Variants in FSTL5 observed in about 807,000 individuals in gnomAD.
FSTL5 encodes follistatin-related protein 5.
In FSTL5, 62 loss-of-function variants were observed where a neutral mutation model predicts 89.1. The ratio of observed to expected loss-of-function variants is 0.70; its 90% CI spans 0.57 to 0.86. FSTL5 has a LOEUF of 0.86. Ranked by LOEUF, FSTL5 falls within the 40% of genes least tolerant of loss-of-function variation. The pLI is 0.00. For synonymous variants in FSTL5, 383 were observed against 346.2 expected, an observed-to-expected ratio of 1.11 and a Z score of -1.18; for missense variants, 1,057 against 1,001.6, an observed-to-expected ratio of 1.06 and a Z score of -0.75.
intron 15 of FSTL5, among the ~76,000 whole-genome samples, chr4:161,434,283 G>C (rs907250859): frequency 6.6e-6 from 1 of 151,934 alleles, no homozygotes; most frequent in Non-Finnish European, 1.5e-5. Flanking sequence ...TTCAACAAAG[G>C]TGCCAAGAAC....
chr4:161,971,467 C>T (rs1010350964), intron 3 of FSTL5, among the ~76,000 whole-genome samples: 7 of 151,886 alleles, frequency 4.6e-5, no homozygotes, highest in African/African-American at 1.5e-4. Flanking sequence ...TTCATGTTTC[C>T]TCTCTCCAAC....
At position 161,526,764 on chromosome 4, in the gene FSTL5, C is replaced by T. The variant is rs548783248; in HGVS notation, c.1312+11402G>A. Among the ~76,000 whole-genome samples, 13 of 152,112 alleles carry T rather than the reference C, an allele frequency of 8.5e-5. No homozygotes were observed. The East Asian group carries it at 1.9e-3, about 23-fold the overall frequency. Reference sequence around the variant, plus strand: ...CAAAAATCAGATAGTTGTAGATATGCGGTGTTATTTCTGAGGGCTCTGTTC... The same window carrying T: ...CAAAAATCAGATAGTTGTAGATATGTGGTGTTATTTCTGAGGGCTCTGTTC... On this transcript the variant is annotated intron_variant, in intron 10 of 15. Transcript: ENST00000306100.
intron 15 of FSTL5, among the ~76,000 whole-genome samples, chr4:161,429,114 G>A (rs1216391452): frequency 6.6e-6 from 1 of 152,072 alleles, no homozygotes; most frequent in East Asian, 2.0e-4. Flanking sequence ...GGGACCACAA[G>A]GAGAAGAGTG....
At position 161,428,363 on chromosome 4, in the gene FSTL5, C is replaced by T. The variant is rs77698936; in HGVS notation, c.1841+26641G>A. Among the ~76,000 whole-genome samples, 552 of 152,274 alleles carry T rather than the reference C, an allele frequency of 3.6e-3. 13 individuals are homozygous for T. The East Asian group carries it at 0.055, about 15-fold the overall frequency. On this transcript the variant is annotated intron_variant, in intron 15 of 15. Coordinates refer to ENST00000306100, the MANE Select transcript of FSTL5 (RefSeq NM_020116.5). The stretch of plus-strand genomic sequence containing the variant: ...TCAGAGCCAGCAGAATAGGGTGGCA[C>T]GTGACCTAGTGAGACACTGGCCTAG...
chr4:161,932,257 G>C (rs543538656), intron 3 of FSTL5, among the ~76,000 whole-genome samples: 1 of 152,010 alleles, frequency 6.6e-6, no homozygotes, highest in African/African-American at 2.4e-5. Context: ...GCAACAATCT[G>C]TTGTGATGGT....
At chr4:162,114,903 T>G (rs1186752022) in intron 1 of FSTL5, among the ~76,000 whole-genome samples, 1 of 152,140 alleles carries the variant, frequency 6.6e-6, no homozygotes, top group Non-Finnish European at 1.5e-5. Context: ...AAGTCCCAAA[T>G]TTCTCAGTAA....
At chr4:161,486,705 A>G (rs1470186415) in intron 12 of FSTL5, among the ~76,000 whole-genome samples, 1 of 152,176 alleles carries the variant, frequency 6.6e-6, no homozygotes, top group Non-Finnish European at 1.5e-5. Flanking sequence ...CAAATAATGT[A>G]TAAGATTGCA....
intron 4 of FSTL5, among the ~76,000 whole-genome samples, chr4:161,904,174 C>CA (rs919800099): frequency 1.5e-4 from 22 of 148,780 alleles, no homozygotes; most frequent in East Asian, 9.8e-4. Flanking sequence ...GACTCACAAG[C>CA]AAAAAAAAAG....
At chr4:161,504,472 G>A (rs989539272) in intron 11 of FSTL5, among the ~76,000 whole-genome samples, 15 of 141,890 alleles carry the variant, frequency 1.1e-4, no homozygotes, top group Non-Finnish European at 2.3e-4. Context: ...ATTGTTTTTC[G>A]TTTTTGTTTT....
intron 7 of FSTL5, among the ~76,000 whole-genome samples, chr4:161,614,592 T>C (rs889675403): frequency 6.6e-6 from 1 of 152,168 alleles, no homozygotes; most frequent in Non-Finnish European, 1.5e-5. Flanking sequence ...ACTTCATTGA[T>C]TATTAAGAGG....
intron 15 of FSTL5, among the ~76,000 whole-genome samples, chr4:161,447,674 AG>A (rs1219067045): frequency 1.1e-4 from 17 of 152,154 alleles, no homozygotes; most frequent in African/African-American, 4.1e-4. Context: ...AAAGCCAATC[AG>A]GTAACCATAA....
chr4:161,802,653 T>C (rs146154553), intron 4 of FSTL5, among the ~76,000 whole-genome samples: 1 of 151,876 alleles, frequency 6.6e-6, no homozygotes, highest in African/African-American at 2.4e-5. Context: ...AGGTGTTATG[T>C]CTCGGTATAT....
intron 11 of FSTL5, among the ~76,000 whole-genome samples, chr4:161,500,978 G>A (rs1730273970): frequency 6.6e-6 from 1 of 152,034 alleles, no homozygotes; most frequent in African/African-American, 2.4e-5. Flanking sequence ...GGCCAGCCCT[G>A]AGCTCTTGTA....
intron 8 of FSTL5, among the ~76,000 whole-genome samples, chr4:161,568,544 T>C (rs1732896159): frequency 6.6e-6 from 1 of 152,174 alleles, no homozygotes; most frequent in Admixed American, 6.6e-5. Flanking sequence ...TGGGTAAGTT[T>C]TCCCCATAAA....
At chr4:161,850,309 G>A (rs528596861) in intron 4 of FSTL5, among the ~76,000 whole-genome samples, 23 of 152,254 alleles carry the variant, frequency 1.5e-4, no homozygotes, top group Admixed American at 5.2e-4. Context: ...TTGCAATGTC[G>A]AAAGGGAAGG....
chr4:161,901,429 A>C (rs1733360122), intron 4 of FSTL5, among the ~76,000 whole-genome samples: 1 of 152,140 alleles, frequency 6.6e-6, no homozygotes, highest in African/African-American at 2.4e-5. Flanking sequence ...CAGTGAGCAG[A>C]GAGGGGGAGT....
chr4:161,595,685 A>G (rs1361205703), intron 7 of FSTL5, among the ~76,000 whole-genome samples: 5 of 152,066 alleles, frequency 3.3e-5, no homozygotes, highest in African/African-American at 4.8e-5. Context: ...ATCAGAATGT[A>G]CAAGGCAGTA....
intron 6 of FSTL5, among the ~76,000 whole-genome samples, chr4:161,685,914 C>G (rs543254265): frequency 1.3e-5 from 2 of 152,192 alleles, no homozygotes; most frequent in East Asian, 3.9e-4. Context: ...GCTTTTATTA[C>G]ATTGAGGTGT....
chr4:162,139,491 C>A (rs527877498), intron 1 of FSTL5, among the ~76,000 whole-genome samples: 1 of 151,898 alleles, frequency 6.6e-6, no homozygotes, highest in South Asian at 2.1e-4. Context: ...CATACACATA[C>A]ACATATACAC....
Sources: allele counts gnomAD v4.1 joint callset (sites outside exome capture counted in the v4.1 genomes callset), GRCh38; gene constraint gnomAD v4.1.1; transcripts MANE v1.5; gene names NCBI Gene and HGNC (gene_info 2026-07-23, HGNC 2026-07-21).